The following RFT1 variants were observed in gnomAD, a reference collection of about 807,000 sequenced individuals.
RFT1 encodes RFT1 glycolipid translocator homolog, also known as man(5)GlcNAc(2)-PP-dolichol translocation protein RFT1.
In RFT1, 43 loss-of-function variants were observed where a neutral mutation model predicts 62.2. The observed-to-expected ratio is 0.69, with a 90% CI of 0.54 to 0.89. The LOEUF (loss-of-function observed/expected upper bound fraction) is 0.89, where lower values mean the gene tolerates loss of function less well. RFT1 is among the 40% of genes least tolerant of loss of function. The probability of loss-of-function intolerance (pLI) is 0.00; values close to 1 mark genes in which losing one functional copy is unlikely to be tolerated. For missense variants in RFT1, 605 were observed against 649.9 expected, an observed-to-expected ratio of 0.93 and a Z score of 0.75; for synonymous variants, 262 against 264.6, an observed-to-expected ratio of 0.99 and a Z score of 0.10.
chr3:53,111,672 G>A (rs1053202528), intron 7 of RFT1, among the ~76,000 whole-genome samples, 158 bp downstream of exon 7: 1 of 152,146 alleles, frequency 6.6e-6, no homozygotes, highest in Non-Finnish European at 1.5e-5. Context: ...CTAAACAGAC[G>A]TTGGTTTCTC....
At chr3:53,097,555 C>T (rs1575482370) in intron 11 of RFT1, among the ~76,000 whole-genome samples, 1 of 152,176 alleles carries the variant, frequency 6.6e-6, no homozygotes, top group Non-Finnish European at 1.5e-5. Flanking sequence ...TGGTTCAATA[C>T]AATATAAGAG....
chr3:53,104,455 C>T (rs993987124), intron 9 of RFT1, among the ~76,000 whole-genome samples: 2 of 151,842 alleles, frequency 1.3e-5, no homozygotes, highest in African/African-American at 2.4e-5. Context: ...TCTCAAACTC[C>T]TGGCCTCAAG....
intron 10 of RFT1, chr3:53,103,132 C>G (rs1701364030): frequency 1.0e-6 from 1 of 985,288 alleles, no homozygotes; most frequent in South Asian, 4.7e-5. Context: ...CCTTCCTCCC[C>G]TAACACCAAA....
rs1431860347 is a variant in RFT1, at chr3:53,092,350, A to G, written c.1458+19T>C. The G allele has an allele frequency of 6.3e-7, 1 of 1,590,842 alleles. No individual in the cohort carries two copies. The highest frequency in any genetic ancestry group is 2.3e-5 in the East Asian group (1 of 44,124). ...GGCAGCTGCAGAAGCATGTGGCATG[A>G]TGGCTCAGGGAGTCTCACCTCCGAA... is the stretch of plus-strand genomic sequence containing the variant. On this transcript the variant is annotated intron_variant, in intron 12 of 12. Coordinates refer to ENST00000296292, the MANE Select transcript of RFT1 (RefSeq NM_052859.4).
the RFT1 span, among the ~76,000 whole-genome samples, chr3:53,067,950 T>A: frequency 3.3e-5 from 5 of 152,112 alleles, no homozygotes; most frequent in Non-Finnish European, 7.4e-5. Context: ...TAAATATACC[T>A]CCTATTTAGT....
chr3:53,115,942 TA>T lies in RFT1; in HGVS notation c.696+3941del, dbSNP rs1701778567. ...ACCTGGTACAGTGCCTAACATATAA[TA>T]ATGTTTAATACATGCTTGCTGAGTC... On this transcript the variant is annotated intron_variant, in intron 6 of 12. Transcript: ENST00000296292. Among the ~76,000 whole-genome samples, 4 of 152,386 alleles carry T rather than the reference TA, an allele frequency of 2.6e-5. No homozygotes were observed. The South Asian group carries it at 8.3e-4, about 32-fold the overall frequency.
chr3:53,070,393 GTTTT>G, the RFT1 span, among the ~76,000 whole-genome samples: 16 of 85,466 alleles, frequency 1.9e-4, no homozygotes, highest in Admixed American at 1.5e-3. Context: ...CTGTATTATG[GTTTT>G]TTTTTTTTTT....
chr3:53,126,221 C>T (rs1702106082), intron 1 of RFT1, among the ~76,000 whole-genome samples: 1 of 152,192 alleles, frequency 6.6e-6, no homozygotes, highest in African/African-American at 2.4e-5. Flanking sequence ...CCCAGGAAGG[C>T]ACTTGGAAGG....
At position 53,112,866 on chromosome 3, in the gene RFT1, C is replaced by G. The variant is rs138182251; in HGVS notation, c.697-958G>C. Reference sequence around the variant, plus strand: ...GACAGGTGGCCTCAAAGCCAGGGAGCTGAGCACAAAATGGAAGAGCAAGGC... The same window carrying G: ...GACAGGTGGCCTCAAAGCCAGGGAGGTGAGCACAAAATGGAAGAGCAAGGC... On this transcript the variant is annotated intron_variant, in intron 6 of 12. Transcript: ENST00000296292. Among the ~76,000 whole-genome samples, 541 of 152,310 alleles carry G rather than the reference C, an allele frequency of 3.6e-3. 3 individuals carry two copies. Among genetic ancestry groups the G allele is most frequent in the African/African-American group, 0.012 (510 of 41,570 alleles).
At position 53,102,995 on chromosome 3, in the gene RFT1, C is replaced by T. The variant is rs978206473; in HGVS notation, c.1102+958G>A. 7 of 591,046 alleles carry T rather than the reference C, an allele frequency of 1.2e-5. No homozygotes were observed. The African/African-American group carries it at 1.4e-4, about 12-fold the overall frequency. 36.6% of individuals were successfully genotyped at this position (591,046 alleles called of 1,614,324 possible). A position where few individuals can be genotyped will look rare whatever the true frequency, so the allele number is the denominator to read the frequency against. ...CTAATGCCTTCCTCATGAGGCCTCC[C>T]CACAGCTGCCAGATGGAAATACACT... On this transcript the variant is annotated intron_variant, in intron 10 of 12. Transcript: ENST00000296292.
At chr3:53,123,643 T>G in intron 3 of RFT1, 81 bp downstream of exon 3, 1 of 1,104,802 alleles carries the variant, frequency 9.1e-7, no homozygotes, top group Non-Finnish European at 1.4e-6. Flanking sequence ...AATTCAGCTT[T>G]AGGCACGTGT....
chr3:53,081,706 T>G, the RFT1 span, among the ~76,000 whole-genome samples: 1 of 152,170 alleles, frequency 6.6e-6, no homozygotes, highest in Admixed American at 6.5e-5. Flanking sequence ...GCCCCAACAG[T>G]CAGGGACCCT....
chr3:53,094,609 C>A (rs1701090404), intron 11 of RFT1, among the ~76,000 whole-genome samples: 1 of 152,032 alleles, frequency 6.6e-6, no homozygotes, highest in African/African-American at 2.4e-5. Context: ...ACTTTGACCT[C>A]TTTTCCACAA....
intron 2 of RFT1, among the ~76,000 whole-genome samples, chr3:53,124,759 C>T (rs1303502223): frequency 6.6e-6 from 1 of 152,226 alleles, no homozygotes; most frequent in Non-Finnish European, 1.5e-5. Context: ...ATCACTTGAG[C>T]CCAGGAGTTC....
the RFT1 span, among the ~76,000 whole-genome samples, chr3:53,069,285 G>C: frequency 1.3e-5 from 2 of 152,138 alleles, no homozygotes; most frequent in African/African-American, 4.8e-5. Flanking sequence ...TCAGTGTTGT[G>C]GGCATGTTTA....
intron 11 of RFT1, among the ~76,000 whole-genome samples, chr3:53,095,928 T>G (rs1054936447): frequency 6.6e-6 from 1 of 152,126 alleles, no homozygotes; most frequent in Non-Finnish European, 1.5e-5. Context: ...GGAGTCCACT[T>G]TGGCACTCAA....
chr3:53,109,756 C>A (rs1435917617), intron 7 of RFT1, among the ~76,000 whole-genome samples: 1 of 152,188 alleles, frequency 6.6e-6, no homozygotes, highest in East Asian at 1.9e-4. Context: ...GTCAAGGCTG[C>A]AGTGAGCTGT....
intron 11 of RFT1, among the ~76,000 whole-genome samples, chr3:53,095,742 C>T (rs1386766841): frequency 1.4e-5 from 2 of 146,802 alleles, no homozygotes; most frequent in Admixed American, 6.8e-5. Flanking sequence ...AAAAAAAAGG[C>T]ATGGATGGTC....
chr3:53,072,831 G>A, the RFT1 span, among the ~76,000 whole-genome samples: 1 of 152,216 alleles, frequency 6.6e-6, no homozygotes, highest in South Asian at 2.1e-4. Context: ...CACACAGGAG[G>A]GTCCTGCCCT....
Sources: gnomAD v4.1 joint callset for allele counts (sites outside exome capture counted in the v4.1 genomes callset) on GRCh38, gnomAD v4.1.1 for gene constraint, MANE v1.5 for transcripts, NCBI Gene and HGNC (gene_info 2026-07-23, HGNC 2026-07-21) for gene names.